CALN1: variants seen among roughly 807,000 people sequenced by gnomAD.
CALN1 encodes calcium-binding protein 8.
In CALN1, 17 loss-of-function variants were observed where a neutral mutation model predicts 30.6. That is an observed-to-expected ratio of 0.56 (90% confidence interval 0.38 to 0.83). The LOEUF is 0.83. Ranked by LOEUF, CALN1 falls within the 40% of genes least tolerant of loss-of-function variation. The pLI, the probability that CALN1 is intolerant of heterozygous loss-of-function variation, is 0.00. For synonymous variants in CALN1, 156 were observed against 131.4 expected (o/e 1.19, Z -1.28); for missense variants, 291 against 354.9 (o/e 0.82, Z 1.45).
intron 5 of CALN1, among the ~76,000 whole-genome samples, chr7:71,883,999 C>T (rs891830407): frequency 3.9e-5 from 6 of 152,190 alleles, no homozygotes; most frequent in East Asian, 1.9e-4. Flanking sequence ...CTGCAATCTC[C>T]GCCTCCCAGG....
At chr7:72,400,000 T>TA (rs1806230700) in intron 2 of CALN1, among the ~76,000 whole-genome samples, 1 of 152,192 alleles carries the variant, frequency 6.6e-6, no homozygotes, top group Non-Finnish European at 1.5e-5. Flanking sequence ...CCACTATGAT[T>TA]AGAACCTTCC....
rs1244896102 is a variant in CALN1, at chr7:71,784,162, G to T, written c.*3613C>A. On this transcript the variant is annotated 3_prime_UTR_variant, in exon 7 of 7. Coordinates refer to ENST00000395275, the MANE Select transcript of CALN1 (RefSeq NM_031468.4). Reference sequence around the variant, plus strand: ...CCTGGCTCTGGACCCTGGGAGAAGGGGCTGGGAGTAGGGATGGGGAGATAC... The same window carrying T: ...CCTGGCTCTGGACCCTGGGAGAAGGTGCTGGGAGTAGGGATGGGGAGATAC... The T allele has an allele frequency of 6.6e-6, 1 of 152,172 alleles. No individual in the cohort carries two copies. The highest frequency in any genetic ancestry group is 1.5e-5 in the Non-Finnish European group (1 of 68,040). 9.4% of individuals were successfully genotyped at this position (152,172 alleles called of 1,614,324 possible).
chr7:71,984,891 T>C (rs745963250), intron 5 of CALN1, among the ~76,000 whole-genome samples: 4 of 152,198 alleles, frequency 2.6e-5, no homozygotes, highest in Non-Finnish European at 4.4e-5. Context: ...GGTTGGCTGT[T>C]ATCCTCATTC....
At chr7:72,374,615 A>T (rs543559776) in intron 2 of CALN1, among the ~76,000 whole-genome samples, 1 of 152,178 alleles carries the variant, frequency 6.6e-6, no homozygotes, top group South Asian at 2.1e-4. Context: ...TATAAAGGAC[A>T]TCTGCACCAA....
intron 1 of CALN1, among the ~76,000 whole-genome samples, chr7:72,419,613 G>A (rs1807543976): frequency 6.6e-6 from 1 of 152,094 alleles, no homozygotes; most frequent in African/African-American, 2.4e-5. Context: ...CCTCAAGCTT[G>A]GAGCCTCGGC....
chr7:72,359,113 T>C (rs1803408057), intron 2 of CALN1, among the ~76,000 whole-genome samples: 1 of 152,136 alleles, frequency 6.6e-6, no homozygotes, highest in South Asian at 2.1e-4. Flanking sequence ...TAGGATACTA[T>C]TCCTCCCCAT....
intron 2 of CALN1, among the ~76,000 whole-genome samples, chr7:72,377,463 G>A (rs1804634600): frequency 6.6e-6 from 1 of 151,720 alleles, no homozygotes; most frequent in Non-Finnish European, 1.5e-5. Flanking sequence ...GTGTGTGTGT[G>A]TGTGTGTGTG....
chr7:72,406,164 C>T (rs1264230916), intron 1 of CALN1, among the ~76,000 whole-genome samples: 1 of 152,214 alleles, frequency 6.6e-6, no homozygotes, highest in Non-Finnish European at 1.5e-5. Flanking sequence ...GCCGTCTCTC[C>T]AGAATTCCCC....
chr7:71,856,450 G>A (rs1425337254), intron 5 of CALN1, among the ~76,000 whole-genome samples: 3 of 151,530 alleles, frequency 2.0e-5, no homozygotes, highest in African/African-American at 7.3e-5. Context: ...CACCACACCT[G>A]GTCAATATCT....
intron 5 of CALN1, among the ~76,000 whole-genome samples, chr7:71,823,515 C>G (rs7808233): frequency 1.3e-5 from 2 of 152,150 alleles, no homozygotes; most frequent in South Asian, 4.2e-4. Context: ...GTCAGGAGTT[C>G]GAGACCAGCC....
chr7:71,909,441 TA>T (rs998618878), intron 5 of CALN1, among the ~76,000 whole-genome samples: 100 of 144,996 alleles, frequency 6.9e-4, no homozygotes, highest in South Asian at 1.5e-3. Context: ...ACTTACTGGT[TA>T]AAAAAAAAAA....
chr7:72,113,293 T>C (rs1807706534), intron 3 of CALN1, among the ~76,000 whole-genome samples: 1 of 151,622 alleles, frequency 6.6e-6, no homozygotes, highest in Non-Finnish European at 1.5e-5. Flanking sequence ...GGCACCTCCC[T>C]CTCTCTCTCT....
At chr7:72,456,285 A>T in the CALN1 span, among the ~76,000 whole-genome samples, 7 of 151,652 alleles carry the variant, frequency 4.6e-5, no homozygotes, top group Non-Finnish European at 8.8e-5. Flanking sequence ...CACTTTGGGG[A>T]GTCGAGGTGG....
At position 71,997,969 on chromosome 7, in the gene CALN1, C is replaced by T. The variant is rs541530971; in HGVS notation, c.501+25688G>A. ...CCAAGTAGCTGGAATTACAGGTGCA[C>T]GCCACTGTGCTTGGCTTATTTTTGT... On this transcript the variant is annotated intron_variant, in intron 5 of 6. Coordinates refer to ENST00000395275, the MANE Select transcript of CALN1 (RefSeq NM_031468.4). 1.0e-3 allele frequency among the ~76,000 whole-genome samples: 158 copies of T among 151,818 alleles called. 1 individual carries two copies. Among genetic ancestry groups the T allele is most frequent in the African/African-American group, 3.6e-3 (149 of 41,404 alleles).
At chr7:72,366,475 G>A in intron 2 of CALN1, among the ~76,000 whole-genome samples, 1 of 152,002 alleles carries the variant, frequency 6.6e-6, no homozygotes, top group East Asian at 1.9e-4. Context: ...AGCGCCTGAT[G>A]TATTTTTTTT....
intron 5 of CALN1, among the ~76,000 whole-genome samples, chr7:71,898,745 T>G (rs1793685397): frequency 6.6e-6 from 1 of 152,136 alleles, no homozygotes; most frequent in African/African-American, 2.4e-5. Flanking sequence ...AATAAGAAGT[T>G]ACTCTTAAAG....
At position 72,135,271 on chromosome 7, in the gene CALN1, A is replaced by G. The variant is rs963125598; in HGVS notation, c.245-28977T>C. On this transcript the variant is annotated intron_variant, in intron 3 of 6. Coordinates refer to ENST00000395275, the MANE Select transcript of CALN1 (RefSeq NM_031468.4). The stretch of plus-strand genomic sequence containing the variant: ...ACAAATGTTCTTAATGGTATTGAGA[A>G]CAGTGAAACCTTTCCAGAAGGCTTT... 7.9e-5 allele frequency among the ~76,000 whole-genome samples: 12 copies of G among 152,244 alleles called. 1 individual carries two copies. Among genetic ancestry groups the G allele is most frequent in the Non-Finnish European group, 1.8e-4 (12 of 68,042 alleles).
At chr7:71,788,909 T>C (rs886644586) in intron 6 of CALN1, among the ~76,000 whole-genome samples, 1 of 151,750 alleles carries the variant, frequency 6.6e-6, no homozygotes, top group Non-Finnish European at 1.5e-5. Flanking sequence ...CTACCCGCCT[T>C]GGCCTCCCAA....
chr7:72,022,225 A>T (rs540582639), intron 5 of CALN1, among the ~76,000 whole-genome samples: 1 of 152,276 alleles, frequency 6.6e-6, no homozygotes, highest in South Asian at 2.1e-4. Context: ...CCTTCCATTC[A>T]TCTATTGAAA....
Sources: gnomAD v4.1 joint callset for allele counts (sites outside exome capture counted in the v4.1 genomes callset) on GRCh38, gnomAD v4.1.1 for gene constraint, MANE v1.5 for transcripts, NCBI Gene and HGNC (gene_info 2026-07-23, HGNC 2026-07-21) for gene names.